The following ERAP2 variants were observed in gnomAD, a reference collection of about 807,000 sequenced individuals.
ERAP2 encodes endoplasmic reticulum aminopeptidase 2, also known as leukocyte-derived arginine aminopeptidase.
Under a neutral mutation model 111.1 loss-of-function variants are expected in ERAP2, and 118 were observed. The observed-to-expected ratio is 1.06, with a 90% CI of 0.92 to 1.24. ERAP2 has a LOEUF of 1.24. Among genes scored for constraint, ERAP2 ranks in the 50% most tolerant of loss-of-function variants. The pLI is 0.00. For synonymous variants in ERAP2, 410 were observed against 401.2 expected (o/e 1.02, Z -0.26); for missense variants, 1,131 against 1,125.8 (o/e 1.00, Z -0.07).
chr5:96,915,323 A>G (rs1429232306), intron 17 of ERAP2, among the ~76,000 whole-genome samples: 1 of 152,236 alleles, frequency 6.6e-6, no homozygotes, highest in Non-Finnish European at 1.5e-5. Context: ...TAATTTATAA[A>G]TAAAAATATG....
chr5:96,896,222 AAAGGGGAATACATAC>A (rs1046974288), intron 7 of ERAP2, 136 bp from the exon 8 acceptor site: 65 of 526,834 alleles, frequency 1.2e-4, no homozygotes, highest in Non-Finnish European at 1.9e-4. Flanking sequence ...CCCTTTGGCC[AAAGGGGAATACATAC>A]AAGAAAAGAA....
At position 96,892,325 on chromosome 5, in the gene ERAP2, C is replaced by T. The variant is rs546243037; in HGVS notation, c.997C>T (p.Pro333Ser). ...LDLIAIPDFA[P>S]GAMENWGLIT... is the part of the protein sequence containing the mutation. ...TTTAATTGCTATTCCTGACTTTGCA[C>T]CTGGAGCCATGGAAAATTGGGGCCT... The change falls in exon 6 of 19, where the codon CCT becomes TCT. Residue 333 changes from proline (P) to serine (S), a missense_variant. Physicochemically the swap from Pro to Ser is moderately conservative, Grantham distance 74. Coordinates refer to ENST00000437043, the MANE Select transcript of ERAP2 (RefSeq NM_022350.5). 1.9e-6 allele frequency: 3 copies of T among 1,613,892 alleles called. No homozygotes were observed. The highest frequency in any genetic ancestry group is 2.7e-5 in the African/African-American group (2 of 74,996).
intron 10 of ERAP2, among the ~76,000 whole-genome samples, chr5:96,900,470 C>A (rs538303239): frequency 6.6e-6 from 1 of 152,266 alleles, no homozygotes; most frequent in African/African-American, 2.4e-5. Context: ...GTTACTACTG[C>A]ATTGGCATCC....
chr5:96,882,255 G>A (rs557058924), intron 2 of ERAP2, among the ~76,000 whole-genome samples: 6 of 152,166 alleles, frequency 3.9e-5, no homozygotes, highest in East Asian at 1.9e-4. Flanking sequence ...TTCAAATGCC[G>A]AAGGCCCCAT....
chr5:96,884,067 T>TATC (rs1385090544), intron 3 of ERAP2, 137 bp downstream of exon 3: 2 of 657,658 alleles, frequency 3.0e-6, no homozygotes, highest in African/African-American at 3.9e-5. Context: ...TCTATCTATC[T>TATC]ATCTATCTAT....
chr5:96,915,808 G>T, intron 18 of ERAP2, 39 bp downstream of exon 18: 2 of 1,458,150 alleles, frequency 1.4e-6, no homozygotes, highest in South Asian at 2.5e-5. Flanking sequence ...CAAAATAAAT[G>T]TTCAAATTGT....
At position 96,909,745 on chromosome 5, in the gene ERAP2, G is replaced by A; in HGVS notation, c.2335G>A (p.Glu779Lys). 1 of 1,614,004 alleles carries A rather than the reference G, an allele frequency of 6.2e-7. No homozygotes were observed. Among genetic ancestry groups the A allele is most frequent in the Admixed American group, 1.7e-5 (1 of 60,016 alleles). ...KAAELFSQWM[E>K]SSGKLNIPTD... Reference sequence around the variant, plus strand: ...TGCTGAACTCTTCTCCCAGTGGATGGAATCCAGTGGAAAATTAAAGTAGAT... The same window carrying A: ...TGCTGAACTCTTCTCCCAGTGGATGAAATCCAGTGGAAAATTAAAGTAGAT... Residue 779 changes from glutamate to lysine, a missense_variant, in exon 15 of 19, where the codon GAA (glutamate) becomes AAA (lysine). Coordinates refer to ENST00000437043, the MANE Select transcript of ERAP2 (RefSeq NM_022350.5).
At chr5:96,899,454 G>T (rs781263848) in intron 9 of ERAP2, among the ~76,000 whole-genome samples, 3 of 152,132 alleles carry the variant, frequency 2.0e-5, no homozygotes, top group Non-Finnish European at 2.9e-5. Flanking sequence ...AGAATGAGAA[G>T]AATTAGTTGC....
intron 2 of ERAP2, among the ~76,000 whole-genome samples, chr5:96,882,625 G>C (rs1373757314): frequency 6.6e-6 from 1 of 152,144 alleles, no homozygotes; most frequent in Non-Finnish European, 1.5e-5. Flanking sequence ...CAAAGATTCA[G>C]GTTTTTTTGT....
At chr5:96,890,571 C>T (rs1202805587) in intron 5 of ERAP2, among the ~76,000 whole-genome samples, 1 of 152,176 alleles carries the variant, frequency 6.6e-6, no homozygotes, top group African/African-American at 2.4e-5. Context: ...CTTGGGGTTT[C>T]TGACAGTGAC....
In ERAP2 at chr5:96,902,268, T is replaced by C. The variant is rs529347463; in HGVS notation, c.1749-6T>C. 23 of 1,582,226 alleles carry C rather than the reference T, an allele frequency of 1.5e-5. No individual in the cohort carries two copies. In the South Asian group the frequency reaches 2.4e-4, roughly 17 times the overall value. On this transcript the variant is annotated splice_region_variant and splice_polypyrimidine_tract_variant and intron_variant, in intron 11 of 18. Transcript: ENST00000437043. Reference sequence around the variant, plus strand: ...GGTCTGTAACTATCTTTACTCTCTGTCATAGGTACCTGTGGCATATCCCAT... The same window carrying C: ...GGTCTGTAACTATCTTTACTCTCTGCCATAGGTACCTGTGGCATATCCCAT...
intron 4 of ERAP2, among the ~76,000 whole-genome samples, chr5:96,887,812 T>C (rs1216635768): frequency 6.6e-6 from 1 of 151,944 alleles, no homozygotes; most frequent in African/African-American, 2.4e-5. Flanking sequence ...TTTTAAAGAG[T>C]TATAAAATAA....
chr5:96,879,832 T>C lies in ERAP2; in HGVS notation c.147T>C (p.Asp49=), dbSNP rs759219335. The C allele has an allele frequency of 1.2e-6, 2 of 1,614,146 alleles. No homozygotes were observed. The highest frequency in any genetic ancestry group is 1.6e-4 in the Middle Eastern group (1 of 6,062). ...SVPSSYHFTE[D]PGAFPVATNG... ...CATCTAGTTATCACTTCACTGAGGATCCTGGGGCTTTCCCAGTAGCCACTA... is the reference window on the plus strand; with the variant it reads ...CATCTAGTTATCACTTCACTGAGGACCCTGGGGCTTTCCCAGTAGCCACTA... Residue 49 remains aspartate (D), a synonymous_variant, in exon 2 of 19, where the codon GAT becomes GAC. Coordinates refer to ENST00000437043, the MANE Select transcript of ERAP2 (RefSeq NM_022350.5).
chr5:96,890,311 C>T (rs976447256), intron 5 of ERAP2, among the ~76,000 whole-genome samples: 16 of 152,266 alleles, frequency 1.1e-4, no homozygotes, highest in African/African-American at 3.6e-4. Context: ...AAGGAACACG[C>T]AACTTAGATC....
rs145822095 is a variant in ERAP2 at position 96,903,449 on chromosome 5, A to G, written c.1901A>G (p.His634Arg). 1.3e-4 allele frequency: 206 copies of G among 1,614,036 alleles called. 2 individuals are homozygous for G. The African/African-American group carries it at 2.5e-3, about 19-fold the overall frequency. The change falls in exon 13 of 19, where the codon CAC (histidine) becomes CGC (arginine). Residue 634 changes from histidine to arginine, a missense_variant. His to Arg is a conservative substitution (Grantham distance 29). This residue lies in a region of ERAP2 where 847 missense variants were observed against 856.5 expected (regional missense o/e 0.99). Coordinates refer to ENST00000437043, the MANE Select transcript of ERAP2 (RefSeq NM_022350.5). ...GACTCAAATGGTTACTACATCGTTC[A>G]CTATGAGGGTCATGGATGGGACCAA... is the stretch of plus-strand genomic sequence containing the variant. Reference protein sequence around the residue: ...NVDSNGYYIVHYEGHGWDQLI... With the variant: ...NVDSNGYYIVRYEGHGWDQLI...
At chr5:96,907,694 C>T (rs1415834781) in intron 13 of ERAP2, among the ~76,000 whole-genome samples, 1 of 151,854 alleles carries the variant, frequency 6.6e-6, no homozygotes, top group East Asian at 1.9e-4. Flanking sequence ...CCAGCCTGGC[C>T]AACATGGTGA....
intron 3 of ERAP2, among the ~76,000 whole-genome samples, chr5:96,884,172 T>A (rs1783488769): frequency 6.6e-6 from 1 of 152,124 alleles, no homozygotes; most frequent in Non-Finnish European, 1.5e-5. Flanking sequence ...CAAAGTGATT[T>A]ATATTTTGTG....
chr5:96,901,649 G>A lies in ERAP2; in HGVS notation c.1716G>A (p.Gln572=), dbSNP rs758205547. 12 of 1,613,586 alleles carry A rather than the reference G, an allele frequency of 7.4e-6. No individual in the cohort carries two copies. The highest frequency in any genetic ancestry group is 2.7e-5 in the African/African-American group (2 of 74,908). Residue 572 remains glutamine (Q), a synonymous_variant, in exon 11 of 19, where the codon CAG becomes CAA. Coordinates refer to ENST00000437043, the MANE Select transcript of ERAP2 (RefSeq NM_022350.5). ...QQERFLQGVF[Q]EDPEWRALQE... is the part of the protein sequence containing the mutation. ...AGCGCTTCCTCCAGGGGGTTTTCCA[G>A]GAAGACCCTGAATGGAGGGCCCTGC...
chr5:96,891,505 A>G (rs555434598), intron 5 of ERAP2, among the ~76,000 whole-genome samples: 637 of 32,330 alleles, frequency 0.02, 13 homozygotes, highest in African/African-American at 0.065. Context: ...GTGTGTATAT[A>G]TATATATATA....
Sources: gnomAD v4.1 joint callset for allele counts (sites outside exome capture counted in the v4.1 genomes callset) on GRCh38, gnomAD v4.1.1 for gene constraint, gnomAD v4.1.1 regional missense constraint, MANE v1.5 for transcripts, NCBI Gene and HGNC (gene_info 2026-07-23, HGNC 2026-07-21) for gene names.